NFKBIB: variants seen among roughly 807,000 people sequenced by gnomAD.
NFKBIB encodes NF-kappa-B inhibitor beta.
NFKBIB carries 16 observed loss-of-function variants against 32.1 expected under a neutral mutation model. The observed-to-expected ratio is 0.50, with a 90% confidence interval of 0.34 to 0.76. The LOEUF is 0.76. Among genes scored for constraint, NFKBIB ranks in the 30% least tolerant of loss-of-function variants. NFKBIB has a pLI of 0.01. For missense variants in NFKBIB, 437 were observed against 514.9 expected (o/e 0.85, Z 1.46); for synonymous variants, 222 against 219.5 (o/e 1.01, Z -0.10).
At chr19:38,900,374 A>G (rs1465947426) in intron 1 of NFKBIB, among the ~76,000 whole-genome samples, 163 bp downstream of exon 1, 1 of 152,094 alleles carries the variant, frequency 6.6e-6, no homozygotes, top group South Asian at 2.1e-4. Context: ...AACAAAACCA[A>G]TCTTCTATCT....
intron 1 of NFKBIB, among the ~76,000 whole-genome samples, chr19:38,903,834 G>T (rs1256831342): frequency 1.3e-5 from 2 of 151,806 alleles, no homozygotes; most frequent in East Asian, 3.9e-4. Context: ...ACTTTGGGAG[G>T]CCAAGGCGGG....
chr19:38,907,133 C>A, intron 3 of NFKBIB, 88 bp from the exon 4 acceptor site: 2 of 1,230,014 alleles, frequency 1.6e-6, no homozygotes, highest in Non-Finnish European at 2.3e-6. Flanking sequence ...ATCACCCTCA[C>A]GCCACATGAC....
chr19:38,900,097 G>A lies in NFKBIB; in HGVS notation c.65G>A (p.Gly22Asp). Residue 22 changes from glycine to aspartate, a missense_variant, in exon 1 of 6, where the codon GGC becomes GAC. By Grantham distance (94) the Gly-to-Asp change is moderately conservative (BLOSUM62 -1). Coordinates refer to ENST00000313582, the MANE Select transcript of NFKBIB (RefSeq NM_002503.5). ...GATGAATGGTGCGACAGCGGCCTGG[G>A]CTCCCTGGGTCCGGACGCAGCGGCC... ...DADEWCDSGL[G>D]SLGPDAAAPG... 1.9e-6 allele frequency: 3 copies of A among 1,561,092 alleles called. No homozygotes were observed. The highest frequency in any genetic ancestry group is 2.3e-5 in the East Asian group (1 of 42,956).
Position 38,905,494 on chromosome 19 carries a change from A to G in NFKBIB, c.578A>G (p.Glu193Gly). The G allele has an allele frequency of 6.2e-7, 1 of 1,613,234 alleles. No homozygotes were observed. Among genetic ancestry groups the G allele is most frequent in the Non-Finnish European group, 8.5e-7 (1 of 1,179,528 alleles). Residue 193 changes from glutamate (E) to glycine (G), a missense_variant, in exon 3 of 6, where the codon GAG (glutamate) becomes GGG (glycine). Physicochemically the swap from Glu to Gly is moderately conservative, Grantham distance 98. Coordinates refer to ENST00000313582, the MANE Select transcript of NFKBIB (RefSeq NM_002503.5). This position sits in a 1 kb window ranked among gnomAD's most constrained non-coding sequence, Gnocchi z 5.5. ...SDLEKEEEES[E>G]EDWKLQLEAE... ...TTGGAGAAGGAAGAAGAGGAGAGTG[A>G]GGAGGACTGGAAGCTGCAGCTGGAG...
chr19:38,904,425 G>A (rs1038265001), intron 1 of NFKBIB, among the ~76,000 whole-genome samples: 12 of 152,098 alleles, frequency 7.9e-5, no homozygotes, highest in Non-Finnish European at 1.3e-4. Flanking sequence ...CGTATTCTCC[G>A]GAATACACAA....
chr19:38,908,702 C>G, intron 5 of NFKBIB, 29 bp from the exon 6 acceptor site: 1 of 1,591,120 alleles, frequency 6.3e-7, no homozygotes, highest in Non-Finnish European at 8.6e-7. Context: ...GCCGCCTGAG[C>G]CCCTCTGCCT....
intron 1 of NFKBIB, among the ~76,000 whole-genome samples, chr19:38,904,024 C>T (rs980214618): frequency 1.3e-5 from 2 of 151,910 alleles, no homozygotes; most frequent in African/African-American, 4.8e-5. Flanking sequence ...GAGCCACGAT[C>T]GTGTCACTGC....
upstream of NFKBIB, chr19:38,899,951 C>A: frequency 7.2e-7 from 1 of 1,380,068 alleles, no homozygotes; most frequent in Non-Finnish European, 9.5e-7. Context: ...GGGAATTTCC[C>A]GCAGGGCGGA....
chr19:38,900,064 C>T lies in NFKBIB; in HGVS notation c.32C>T (p.Ala11Val). 6.6e-7 allele frequency: 1 copy of T among 1,507,210 alleles called. No homozygotes were observed. The highest frequency in any genetic ancestry group is 1.3e-5 in the South Asian group (1 of 79,832). The allele number at this position is 1,507,210 out of a possible 1,614,324, so 93.4% of individuals were successfully genotyped here. Reference protein sequence around the residue: MAGVACLGKAADADEWCDSGL... With the variant: MAGVACLGKAVDADEWCDSGL... ...GGGGTCGCGTGCTTGGGAAAAGCTG[C>T]CGACGCAGATGAATGGTGCGACAGC... The change falls in exon 1 of 6, where the codon GCC (alanine) becomes GTC (valine). Residue 11 changes from alanine (A) to valine (V), a missense_variant. Physicochemically the swap from Ala to Val is moderately conservative, Grantham distance 64 (BLOSUM62 0). Coordinates refer to ENST00000313582, the MANE Select transcript of NFKBIB (RefSeq NM_002503.5).
Position 38,907,571 on chromosome 19 carries a change from G to A in NFKBIB, c.881G>A (p.Arg294His), listed in dbSNP as rs774910712. Residue 294 changes from arginine to histidine, a missense_variant, in exon 5 of 6, where the codon CGT (arginine) becomes CAT (histidine). Arg to His is a conservative substitution (Grantham distance 29, BLOSUM62 0). Transcript: ENST00000313582. ...RPNPILARLL[R>H]AHGAPEPEGE... is the part of the protein sequence containing the mutation. ...AACCCCATCCTCGCCCGCCTCCTCC[G>A]TGCACACGGAGCCCCTGAGCCCGAG... 11 of 1,612,514 alleles carry A rather than the reference G, an allele frequency of 6.8e-6. No individual in the cohort carries two copies. Among genetic ancestry groups the A allele is most frequent in the Admixed American group, 3.3e-5 (2 of 60,000 alleles).
chr19:38,899,897 A>G, upstream of NFKBIB: 1 of 912,742 alleles, frequency 1.1e-6, no homozygotes, highest in Non-Finnish European at 1.6e-6. Flanking sequence ...GCGGGGTGTG[A>G]GCGATTCAGC....
intron 5 of NFKBIB, 187 bp from the exon 6 acceptor site, chr19:38,908,538 TAAAAAA>T: frequency 8.3e-6 from 9 of 1,080,592 alleles, no homozygotes; most frequent in Non-Finnish European, 9.2e-6. Flanking sequence ...GACTCCATCT[TAAAAAA>T]AAAAAAAAAA....
At chr19:38,901,115 G>C (rs1826218526) in intron 1 of NFKBIB, among the ~76,000 whole-genome samples, 1 of 152,210 alleles carries the variant, frequency 6.6e-6, no homozygotes, top group African/African-American at 2.4e-5. Flanking sequence ...ATGAGGGATT[G>C]TACTGGGTTT....
At chr19:38,902,906 T>C (rs1358921685) in intron 1 of NFKBIB, among the ~76,000 whole-genome samples, 1 of 151,968 alleles carries the variant, frequency 6.6e-6, no homozygotes, top group African/African-American at 2.4e-5. Context: ...AAACCTTGTC[T>C]CTACTAAAAA....
chr19:38,901,750 C>T (rs562314762), intron 1 of NFKBIB, among the ~76,000 whole-genome samples: 1 of 152,266 alleles, frequency 6.6e-6, no homozygotes, highest in East Asian at 1.9e-4. Flanking sequence ...GCTGTGGCCT[C>T]TCAGAGTGCT....
At chr19:38,903,797 G>A (rs1184614738) in intron 1 of NFKBIB, among the ~76,000 whole-genome samples, 1 of 151,798 alleles carries the variant, frequency 6.6e-6, no homozygotes, top group African/African-American at 2.4e-5. Flanking sequence ...GAGGCCGGGC[G>A]CCGTGGCTCA....
intron 3 of NFKBIB, 57 bp from the exon 4 acceptor site, chr19:38,907,164 C>T (rs1418234047): frequency 2.1e-5 from 31 of 1,494,058 alleles, no homozygotes; most frequent in Middle Eastern, 1.7e-4. Flanking sequence ...GATCAAAGCA[C>T]GGTGGGGTGG....
At chr19:38,907,939 G>A in intron 5 of NFKBIB, 2 of 1,284,016 alleles carry the variant, frequency 1.6e-6, no homozygotes, top group African/African-American at 1.5e-5. Flanking sequence ...CACAGCGGGG[G>A]TGGGTGGTAG....
At chr19:38,906,718 C>T (rs1158376412) in intron 3 of NFKBIB, among the ~76,000 whole-genome samples, 2 of 152,100 alleles carry the variant, frequency 1.3e-5, no homozygotes, top group African/African-American at 4.8e-5. Context: ...ATCCACCCGC[C>T]TCAGCCTCCC....
Sources: gnomAD v4.1 joint callset for allele counts (sites outside exome capture counted in the v4.1 genomes callset) on GRCh38, gnomAD v4.1.1 for gene constraint, Gnocchi (gnomAD v3.1) non-coding constraint, MANE v1.5 for transcripts, NCBI Gene and HGNC (gene_info 2026-07-23, HGNC 2026-07-21) for gene names.